The following PTPRD variants were observed in gnomAD, a reference collection of about 807,000 sequenced individuals.
PTPRD encodes the protein receptor-type tyrosine-protein phosphatase delta.
Under a neutral mutation model 214.5 loss-of-function variants are expected in PTPRD, and 34 were observed. That is an observed-to-expected ratio of 0.16 (90% confidence interval 0.12 to 0.21). The LOEUF is 0.21. PTPRD is among the 10% of genes least tolerant of loss of function. The pLI is 1.00. For synonymous variants in PTPRD, 1,128 were observed against 845.7 expected (o/e 1.33, Z -5.79); for missense variants, 2,545 against 2,398.7 (o/e 1.06, Z -1.27).
At chr9:10,161,030 A>C (rs370449262) in intron 3 of PTPRD, among the ~76,000 whole-genome samples, 1 of 151,918 alleles carries the variant, frequency 6.6e-6, no homozygotes, top group South Asian at 2.1e-4. Context: ...AAAATCCTGT[A>C]GGAGAAAACT....
rs5896326 is a variant in PTPRD, at chr9:9,421,283, GA to G, written c.-236-23802del. On this transcript the variant is annotated intron_variant, in intron 8 of 45. Transcript: ENST00000381196. ...TAGCAAGTAATAGTACTGTCTTTGT[GA>G]AAAAAAAAAAATTATACCAGTGTTA... 2.9e-3 allele frequency among the ~76,000 whole-genome samples: 437 copies of G among 150,390 alleles called. 2 individuals are homozygous for G. The highest frequency in any genetic ancestry group is 0.017 in the Middle Eastern group (5 of 286).
rs139456315 is a variant in PTPRD, at chr9:8,830,746, C to T, written c.-103-96800G>A. Among the ~76,000 whole-genome samples, 267 of 152,152 alleles carry T rather than the reference C, an allele frequency of 1.8e-3. 2 individuals are homozygous for T. Among genetic ancestry groups the T allele is most frequent in the African/African-American group, 5.5e-3 (228 of 41,520 alleles). On this transcript the variant is annotated intron_variant, in intron 11 of 45. Coordinates refer to ENST00000381196, the MANE Select transcript of PTPRD (RefSeq NM_002839.4). Reference sequence around the variant, plus strand: ...GAGAAAACAAGTGCAAATGGTCATTCGCACGCAAGGATATTCACAATCAAA... The same window carrying T: ...GAGAAAACAAGTGCAAATGGTCATTTGCACGCAAGGATATTCACAATCAAA...
At chr9:8,938,060 CAAAT>C (rs1339655732) in intron 11 of PTPRD, among the ~76,000 whole-genome samples, 3 of 152,056 alleles carry the variant, frequency 2.0e-5, no homozygotes, top group African/African-American at 7.2e-5. Flanking sequence ...GGGAGGCAGA[CAAAT>C]GAACAATTTT....
chr9:10,427,592 G>C (rs1442735805), intron 2 of PTPRD, among the ~76,000 whole-genome samples: 1 of 151,992 alleles, frequency 6.6e-6, no homozygotes, highest in African/African-American at 2.4e-5. Flanking sequence ...AAACTCACTA[G>C]AGCTATGTGC....
intron 10 of PTPRD, among the ~76,000 whole-genome samples, chr9:9,041,450 G>C (rs1305032196): frequency 6.6e-6 from 1 of 152,094 alleles, no homozygotes; most frequent in African/African-American, 2.4e-5. Context: ...CTACTTATAA[G>C]TAGGAACATG....
intron 4 of PTPRD, among the ~76,000 whole-genome samples, chr9:9,947,604 T>TATTATATATAC (rs1431213424): frequency 2.4e-4 from 15 of 63,640 alleles, no homozygotes; most frequent in African/African-American, 8.9e-4. Context: ...ATAATATATA[T>TATTATATATAC]ATTTTATATA....
intron 10 of PTPRD, among the ~76,000 whole-genome samples, chr9:9,130,769 T>C (rs2099841402): frequency 6.6e-6 from 1 of 152,166 alleles, no homozygotes; most frequent in Admixed American, 6.5e-5. Context: ...GTGTATTTAT[T>C]AGGTTGCTGA....
intron 5 of PTPRD, among the ~76,000 whole-genome samples, chr9:9,772,340 G>A (rs1171445375): frequency 6.6e-6 from 1 of 152,134 alleles, no homozygotes; most frequent in Non-Finnish European, 1.5e-5. Flanking sequence ...TGTGGTTTAA[G>A]CTACCCAGGG....
chr9:9,323,336 T>G lies in PTPRD; in HGVS notation c.-203+74113A>C, dbSNP rs144416931. Among the ~76,000 whole-genome samples the G allele has an allele frequency of 2.6e-3, 398 of 152,280 alleles. 4 individuals are homozygous for G. The highest frequency in any genetic ancestry group is 9.3e-3 in the African/African-American group (385 of 41,560). On this transcript the variant is annotated intron_variant, in intron 9 of 45. Transcript: ENST00000381196. Reference sequence around the variant, plus strand: ...GTTGGTTTAATCAAATCTTTTTTACTTATCATCTAATTTTATTCTTGAACC... The same window carrying G: ...GTTGGTTTAATCAAATCTTTTTTACGTATCATCTAATTTTATTCTTGAACC...
chr9:8,854,984 C>G (rs1018806294), intron 11 of PTPRD, among the ~76,000 whole-genome samples: 2 of 152,140 alleles, frequency 1.3e-5, no homozygotes, highest in African/African-American at 4.8e-5. Flanking sequence ...CTATTTTTCA[C>G]ACTCTATATG....
intron 3 of PTPRD, among the ~76,000 whole-genome samples, chr9:10,043,676 C>T (rs2097337029): frequency 6.6e-6 from 1 of 151,648 alleles, no homozygotes; most frequent in African/African-American, 2.4e-5. Flanking sequence ...ACCTAAAGAT[C>T]AAAATGATAT....
intron 32 of PTPRD, among the ~76,000 whole-genome samples, chr9:8,464,114 G>A (rs971507859): frequency 6.6e-5 from 10 of 151,772 alleles, no homozygotes; most frequent in Admixed American, 6.6e-5. Flanking sequence ...AAACACTAGC[G>A]GAAGACATCA....
At chr9:9,753,849 C>T (rs1182218062) in intron 6 of PTPRD, among the ~76,000 whole-genome samples, 1 of 151,934 alleles carries the variant, frequency 6.6e-6, no homozygotes, top group Non-Finnish European at 1.5e-5. Context: ...TTTTCATGCC[C>T]CTATCCTTAC....
chr9:8,710,939 T>C (rs1249577566), intron 12 of PTPRD, among the ~76,000 whole-genome samples: 1 of 152,162 alleles, frequency 6.6e-6, no homozygotes, highest in Non-Finnish European at 1.5e-5. Flanking sequence ...TATCAAAATA[T>C]ATTGCTTTCA....
intron 10 of PTPRD, among the ~76,000 whole-genome samples, chr9:9,151,422 C>T (rs141483212): frequency 3.9e-5 from 6 of 152,268 alleles, no homozygotes; most frequent in South Asian, 2.1e-4. Context: ...GGAGTGGACT[C>T]CTGATGTCCC....
intron 6 of PTPRD, among the ~76,000 whole-genome samples, chr9:9,745,631 C>G (rs2098449806): frequency 6.6e-6 from 1 of 152,118 alleles, no homozygotes; most frequent in Admixed American, 6.6e-5. Flanking sequence ...TCTGAAGATT[C>G]TGAACTCAAG....
At chr9:9,818,291 T>C (rs554793107) in intron 5 of PTPRD, among the ~76,000 whole-genome samples, 1 of 152,244 alleles carries the variant, frequency 6.6e-6, no homozygotes, top group African/African-American at 2.4e-5. Flanking sequence ...TAGCTGCCAA[T>C]GTGTAAAATC....
intron 5 of PTPRD, among the ~76,000 whole-genome samples, chr9:9,781,549 T>C (rs1256337471): frequency 6.6e-6 from 1 of 152,156 alleles, no homozygotes; most frequent in African/African-American, 2.4e-5. Context: ...TGTGGCTATT[T>C]GAAGACATGT....
At chr9:9,028,260 C>T (rs1045113759) in intron 10 of PTPRD, among the ~76,000 whole-genome samples, 1 of 151,920 alleles carries the variant, frequency 6.6e-6, no homozygotes, top group Non-Finnish European at 1.5e-5. Flanking sequence ...TTGAAGCTCA[C>T]TAAATTATGT....
Sources: gnomAD v4.1 joint callset for allele counts (sites outside exome capture counted in the v4.1 genomes callset) on GRCh38, gnomAD v4.1.1 for gene constraint, MANE v1.5 for transcripts, NCBI Gene and HGNC (gene_info 2026-07-23, HGNC 2026-07-21) for gene names.